NUS1: variants seen among roughly 807,000 people sequenced by gnomAD.
NUS1 encodes dehydrodolichyl diphosphate synthase complex subunit NUS1.
For synonymous variants in NUS1, 135 were observed against 155.2 expected, an observed-to-expected ratio of 0.87 and a Z score of 0.97; for missense variants, 292 against 382.9, an observed-to-expected ratio of 0.76 and a Z score of 1.98.
At chr6:117,692,441 G>C (rs1389331429) in intron 1 of NUS1, among the ~76,000 whole-genome samples, 2 of 151,972 alleles carry the variant, frequency 1.3e-5, no homozygotes, top group Non-Finnish European at 2.9e-5. Flanking sequence ...TAACATGACA[G>C]TAGTTAACAG....
At chr6:117,681,465 A>G (rs1773060552) in intron 1 of NUS1, among the ~76,000 whole-genome samples, 1 of 152,178 alleles carries the variant, frequency 6.6e-6, no homozygotes, top group South Asian at 2.1e-4. Context: ...GCTTCCCAAC[A>G]CAATACCCAG....
chr6:117,701,496 G>A (rs145366055), intron 3 of NUS1, among the ~76,000 whole-genome samples: 102 of 151,988 alleles, frequency 6.7e-4, no homozygotes, highest in African/African-American at 2.4e-3. Context: ...CACCTGCCTC[G>A]GCCTCCCAAA....
chr6:117,705,128 C>T (rs1016853193), intron 4 of NUS1, among the ~76,000 whole-genome samples: 1 of 152,128 alleles, frequency 6.6e-6, no homozygotes, highest in Non-Finnish European at 1.5e-5. Flanking sequence ...GTCCCACCTT[C>T]TCATTTTATA....
chr6:117,678,342 A>G (rs534239199), intron 1 of NUS1, among the ~76,000 whole-genome samples: 2 of 152,320 alleles, frequency 1.3e-5, no homozygotes, highest in East Asian at 1.9e-4. Flanking sequence ...ACATTCATTT[A>G]CAGGTGACAG....
chr6:117,676,367 T>C (rs1198953779), intron 1 of NUS1, among the ~76,000 whole-genome samples: 1 of 152,142 alleles, frequency 6.6e-6, no homozygotes, highest in East Asian at 1.9e-4. Context: ...TCACCTGAGG[T>C]CGGGAGTTCG....
intron 3 of NUS1, among the ~76,000 whole-genome samples, chr6:117,696,080 CAA>C (rs746242256): frequency 2.2e-4 from 34 of 151,768 alleles, no homozygotes; most frequent in Non-Finnish European, 5.0e-4. Context: ...ATAAATTTAA[CAA>C]AGAGAGTGAA....
chr6:117,684,279 G>C (rs1336707452), intron 1 of NUS1, among the ~76,000 whole-genome samples: 1 of 152,184 alleles, frequency 6.6e-6, no homozygotes, highest in Non-Finnish European at 1.5e-5. Flanking sequence ...ACAGGTTTGG[G>C]CTGGAAATAC....
rs112055193 is a variant in NUS1, at chr6:117,687,787, C to G, written c.416-5255C>G. On this transcript the variant is annotated intron_variant, in intron 1 of 4. Transcript: ENST00000368494. ...TTAATGTTGGGCTGAGCAGTTCGTT[C>G]TTAATACACTAGGCATTTTAGGAAA... Among the ~76,000 whole-genome samples, 573 of 152,314 alleles carry G rather than the reference C, an allele frequency of 3.8e-3. 4 individuals carry two copies. The highest frequency in any genetic ancestry group is 0.013 in the African/African-American group (553 of 41,570).
intron 4 of NUS1, 55 bp from the exon 5 acceptor site, chr6:117,706,870 C>G: frequency 7.3e-7 from 1 of 1,369,830 alleles, no homozygotes; most frequent in South Asian, 1.2e-5. Flanking sequence ...TCTGGTTCCC[C>G]CCTACATTAC....
At chr6:117,688,124 GAGGCA>G (rs1773166096) in intron 1 of NUS1, among the ~76,000 whole-genome samples, 1 of 152,228 alleles carries the variant, frequency 6.6e-6, no homozygotes, top group Non-Finnish European at 1.5e-5. Context: ...TCAGGAGGCT[GAGGCA>G]GGGGAATCAC....
At chr6:117,700,766 T>G (rs1349257438) in intron 3 of NUS1, among the ~76,000 whole-genome samples, 1 of 152,186 alleles carries the variant, frequency 6.6e-6, no homozygotes, top group Admixed American at 6.5e-5. Flanking sequence ...CAGAGTAGTA[T>G]TCAGCCATAA....
At position 117,675,699 on chromosome 6, in the gene NUS1, G is replaced by C; in HGVS notation, c.29G>C (p.Arg10Pro). MTGLYELVW[R>P]VLHALLCLHR... Reference sequence around the variant, plus strand: ...ACGGGGCTGTACGAGCTGGTGTGGCGGGTGCTGCACGCGCTGCTCTGTCTG... The same window carrying C: ...ACGGGGCTGTACGAGCTGGTGTGGCCGGTGCTGCACGCGCTGCTCTGTCTG... The change falls in exon 1 of 5, where the codon CGG becomes CCG. Residue 10 changes from arginine to proline, a missense_variant. Physicochemically the swap from Arg to Pro is moderately radical, Grantham distance 103. Coordinates refer to ENST00000368494, the MANE Select transcript of NUS1 (RefSeq NM_138459.5). 10 of 1,512,172 alleles carry C rather than the reference G, an allele frequency of 6.6e-6. No individual in the cohort carries two copies. Among genetic ancestry groups the C allele is most frequent in the Non-Finnish European group, 8.9e-6 (10 of 1,123,962 alleles). 93.7% of individuals were successfully genotyped at this position (1,512,172 alleles called of 1,614,324 possible).
chr6:117,705,372 A>G (rs1380640823), intron 4 of NUS1, among the ~76,000 whole-genome samples: 1 of 152,188 alleles, frequency 6.6e-6, no homozygotes, highest in Non-Finnish European at 1.5e-5. Context: ...AATCTTGACT[A>G]TACAGCTCTA....
intron 1 of NUS1, among the ~76,000 whole-genome samples, 175 bp from the exon 2 acceptor site, chr6:117,692,867 A>T (rs1211044875): frequency 6.6e-6 from 1 of 152,126 alleles, no homozygotes; most frequent in East Asian, 1.9e-4. Flanking sequence ...AGACTCTTGT[A>T]TTAACAAAGT....
At chr6:117,701,025 A>ATT (rs35549395) in intron 3 of NUS1, among the ~76,000 whole-genome samples, 12 of 144,220 alleles carry the variant, frequency 8.3e-5, no homozygotes, top group African/African-American at 2.3e-4. Flanking sequence ...ATTGAATAAG[A>ATT]TTTTTTTTTT....
rs1398214711 is a variant in NUS1, at chr6:117,708,330, A to G, written c.*1315A>G. ...GATTCTTAGATAGAAACCATTCTTT[A>G]TATTTGATAGACTGCTTTCAGAAAA... is the stretch of plus-strand genomic sequence containing the variant. On this transcript the variant is annotated 3_prime_UTR_variant, in exon 5 of 5. Coordinates refer to ENST00000368494, the MANE Select transcript of NUS1 (RefSeq NM_138459.5). 1 of 152,536 alleles carries G rather than the reference A, an allele frequency of 6.6e-6. No individual in the cohort carries two copies. Among genetic ancestry groups the G allele is most frequent in the Admixed American group, 6.6e-5 (1 of 15,254 alleles). The allele number at this position is 152,536 out of a possible 1,614,324, so 9.4% of individuals were successfully genotyped here. A position where few individuals can be genotyped will look rare whatever the true frequency, so the allele number is the denominator to read the frequency against.
rs1260158372 is a variant in NUS1, at chr6:117,675,708, A to C, written c.38A>C (p.His13Pro). The change falls in exon 1 of 5, where the codon CAC becomes CCC. Residue 13 changes from histidine to proline, a missense_variant. Physicochemically the swap from His to Pro is moderately conservative, Grantham distance 77. Coordinates refer to ENST00000368494, the MANE Select transcript of NUS1 (RefSeq NM_138459.5). ...TACGAGCTGGTGTGGCGGGTGCTGC[A>C]CGCGCTGCTCTGTCTGCACCGCACG... The part of the protein sequence containing the change: ...GLYELVWRVL[H>P]ALLCLHRTLT... The C allele has an allele frequency of 6.6e-7, 1 of 1,509,234 alleles. No individual in the cohort carries two copies. The highest frequency in any genetic ancestry group is 8.9e-7 in the Non-Finnish European group (1 of 1,124,952). The allele number at this position is 1,509,234 out of a possible 1,614,324, so 93.5% of individuals were successfully genotyped here. A position where few individuals can be genotyped will look rare whatever the true frequency, so the allele number is the denominator to read the frequency against.
chr6:117,691,558 GATAT>G (rs60775803), intron 1 of NUS1, among the ~76,000 whole-genome samples: 25,150 of 136,772 alleles, frequency 0.18, 2,513 homozygotes, highest in South Asian at 0.4. Flanking sequence ...CATAGATATA[GATAT>G]ATATATATAT....
At chr6:117,697,937 A>T (rs1306109502) in intron 3 of NUS1, among the ~76,000 whole-genome samples, 3 of 152,134 alleles carry the variant, frequency 2.0e-5, no homozygotes, top group Non-Finnish European at 4.4e-5. Flanking sequence ...ACATTCACAA[A>T]CATTGAAATA....
Sources: gnomAD v4.1 joint callset for allele counts (sites outside exome capture counted in the v4.1 genomes callset) on GRCh38, gnomAD v4.1.1 for gene constraint, MANE v1.5 for transcripts, NCBI Gene and HGNC (gene_info 2026-07-23, HGNC 2026-07-21) for gene names.